The following MTM1 variants were observed in gnomAD, a reference collection of about 807,000 sequenced individuals.
MTM1 encodes the protein myotubularin 1, also known as myotubularin.
In MTM1, 9 loss-of-function variants were observed where a neutral mutation model predicts 52.1. The observed-to-expected ratio is 0.17, with a 90% CI of 0.10 to 0.30. The LOEUF is 0.30. Ranked by LOEUF, MTM1 falls within the 10% of genes least tolerant of loss-of-function variation. The pLI is 1.00. For missense variants in MTM1, 277 were observed against 470.7 expected (o/e 0.59, Z 3.81); for synonymous variants, 136 against 163.8 (o/e 0.83, Z 1.29).
At chrX:150,643,854 G>T (rs1256187559) in intron 8 of MTM1, among the ~76,000 whole-genome samples, 1 of 111,632 alleles carries the variant, frequency 9.0e-6, no homozygotes, top group East Asian at 2.8e-4. Flanking sequence ...ATAATACAGT[G>T]CCATATACTG....
upstream of MTM1, among the ~76,000 whole-genome samples, chrX:150,566,318 A>G (rs782729628): frequency 1.9e-4 from 21 of 111,100 alleles, 1 homozygote; most frequent in South Asian, 8.1e-3. Flanking sequence ...TTGTATTTTT[A>G]GTAGAGACGG....
At chrX:150,598,342 G>A (rs1219387552) in intron 3 of MTM1, among the ~76,000 whole-genome samples, 1 of 111,723 alleles carries the variant, frequency 9.0e-6, no homozygotes, top group Non-Finnish European at 1.9e-5. Context: ...GGTAGTGACA[G>A]CATTGTGGGA....
chrX:150,636,725 A>G (rs1603182574), intron 6 of MTM1, among the ~76,000 whole-genome samples: 1 of 112,273 alleles, frequency 8.9e-6, no homozygotes, highest in South Asian at 3.7e-4. Flanking sequence ...ACCATCTACA[A>G]CCATGTTAAC....
At chrX:150,582,523 T>G (rs1402502762) in intron 1 of MTM1, among the ~76,000 whole-genome samples, 1 of 111,237 alleles carries the variant, frequency 9.0e-6, no homozygotes, top group African/African-American at 3.3e-5. Context: ...TTACTGCAGT[T>G]GTAGTTAGTT....
chrX:150,622,890 C>T (rs782081532), intron 6 of MTM1, among the ~76,000 whole-genome samples: 1 of 111,914 alleles, frequency 8.9e-6, no homozygotes, highest in South Asian at 3.8e-4. Flanking sequence ...GAATTGACAG[C>T]AAGCCACTGA....
intron 4 of MTM1, among the ~76,000 whole-genome samples, chrX:150,604,847 C>T (rs936932216): frequency 4.0e-4 from 44 of 110,987 alleles, no homozygotes; most frequent in African/African-American, 1.4e-3. Context: ...CAGGTGTTCA[C>T]GGTCCTCACC....
At position 150,591,857 on chromosome X, in the gene MTM1, C is replaced by T. The variant is rs1290459331; in HGVS notation, c.-10-748C>T. ...GTTGAATTGGATGTGGTTTACCTCCCGCTGACTTTATATGTATCTATCTGT... is the reference window on the plus strand; with the variant it reads ...GTTGAATTGGATGTGGTTTACCTCCTGCTGACTTTATATGTATCTATCTGT... On this transcript the variant is annotated intron_variant, in intron 1 of 14. Coordinates refer to ENST00000370396, the MANE Select transcript of MTM1 (RefSeq NM_000252.3). 8.9e-5 allele frequency among the ~76,000 whole-genome samples: 10 copies of T among 112,524 alleles called. No individual in the cohort carries two copies. In the East Asian group the frequency reaches 2.2e-3, roughly 25 times the overall value.
At chrX:150,620,710 G>A (rs2039463987) in intron 6 of MTM1, among the ~76,000 whole-genome samples, 1 of 111,227 alleles carries the variant, frequency 9.0e-6, no homozygotes, top group African/African-American at 3.3e-5. Context: ...TGATGGTTTC[G>A]TTTAGTTTAA....
chrX:150,659,853 A>G (rs1475590312), intron 12 of MTM1, 97 bp downstream of exon 12: 6 of 727,112 alleles, frequency 8.3e-6, no homozygotes, highest in African/African-American at 2.1e-5. Context: ...AATACAGGGT[A>G]GAGCTAGAGA....
At chrX:150,584,568 C>G (rs1286253828) in intron 1 of MTM1, among the ~76,000 whole-genome samples, 3 of 111,331 alleles carry the variant, frequency 2.7e-5, no homozygotes, top group African/African-American at 9.8e-5. Flanking sequence ...AGTACCCAAA[C>G]TGTGCTTTGT....
At position 150,581,684 on chromosome X, in the gene MTM1, A is replaced by G. The variant is rs2038587311; in HGVS notation, c.-10-10921A>G. Among the ~76,000 whole-genome samples, 4 of 111,724 alleles carry G rather than the reference A, an allele frequency of 3.6e-5. No individual in the cohort carries two copies. The South Asian group carries it at 1.5e-3, about 42-fold the overall frequency. On this transcript the variant is annotated intron_variant, in intron 1 of 14. Coordinates refer to ENST00000370396, the MANE Select transcript of MTM1 (RefSeq NM_000252.3). ...GGCATGATGTCCTCATTTTAATATG[A>G]TCATCTATGAGAGAATGAGAATGAC...
chrX:150,611,990 G>T (rs1452949339), intron 4 of MTM1, among the ~76,000 whole-genome samples: 1 of 111,998 alleles, frequency 8.9e-6, no homozygotes, highest in African/African-American at 3.2e-5. Context: ...AGCCTCAGAA[G>T]TTCGAGACCA....
intron 8 of MTM1, among the ~76,000 whole-genome samples, chrX:150,644,942 C>T (rs2148492358): frequency 8.9e-6 from 1 of 111,914 alleles, no homozygotes; most frequent in Non-Finnish European, 1.9e-5. Context: ...CTTCACATAC[C>T]AAACAATTTC....
rs1430354469 is a variant in MTM1 at position 150,671,649 on chromosome X, C to T, written c.*54C>T. The T allele has an allele frequency of 2.6e-6, 3 of 1,137,496 alleles. No homozygotes were observed. The highest frequency in any genetic ancestry group is 3.6e-6 in the Non-Finnish European group (3 of 833,300). 93.7% of individuals were successfully genotyped at this position (1,137,496 alleles called of 1,213,427 possible). ...CGAAATAAAGGCGATAGCTGACTTT[C>T]ATTTGGGGCATTTGTAAAAAGTAGA... On this transcript the variant is annotated 3_prime_UTR_variant, in exon 15 of 15. Coordinates refer to ENST00000370396, the MANE Select transcript of MTM1 (RefSeq NM_000252.3).
intron 1 of MTM1, among the ~76,000 whole-genome samples, chrX:150,583,514 TTA>T (rs1285583992): frequency 1.5e-4 from 4 of 27,536 alleles, no homozygotes; most frequent in African/African-American, 2.6e-4. Flanking sequence ...TATATATAAT[TTA>T]TATATATTAT....
intron 3 of MTM1, chrX:150,597,079 A>T (rs1230703669): frequency 7.4e-5 from 9 of 122,295 alleles, no homozygotes; most frequent in Non-Finnish European, 1.5e-4. Flanking sequence ...AAAGGAAGGG[A>T]TCAACTTTGG....
At position 150,587,988 on chromosome X, in the gene MTM1, C is replaced by T. The variant is rs911425313; in HGVS notation, c.-10-4617C>T. Reference sequence around the variant, plus strand: ...TTTCATTTCAGCCTAGCAAAGGGGACTTTACAGAAATTTGTTTTATAAAAA... The same window carrying T: ...TTTCATTTCAGCCTAGCAAAGGGGATTTTACAGAAATTTGTTTTATAAAAA... On this transcript the variant is annotated intron_variant, in intron 1 of 14. Transcript: ENST00000370396. Among the ~76,000 whole-genome samples, 10 of 111,644 alleles carry T rather than the reference C, an allele frequency of 9.0e-5. No homozygotes were observed. The South Asian group carries it at 1.1e-3, about 12-fold the overall frequency.
intron 13 of MTM1, 29 bp from the exon 14 acceptor site, chrX:150,663,404 C>T (rs2040255758): frequency 2.5e-6 from 3 of 1,207,187 alleles, no homozygotes; most frequent in Non-Finnish European, 3.4e-6. Flanking sequence ...TACTTAGGCT[C>T]TCCACTTTCT....
At chrX:150,596,043 G>C (rs1326036928) in intron 2 of MTM1, among the ~76,000 whole-genome samples, 1 of 111,435 alleles carries the variant, frequency 9.0e-6, no homozygotes, top group African/African-American at 3.3e-5. Context: ...TGATTTTCGG[G>C]CATTGTAATA....
Sources: allele counts gnomAD v4.1 joint callset (sites outside exome capture counted in the v4.1 genomes callset), GRCh38; gene constraint gnomAD v4.1.1; transcripts MANE v1.5; gene names NCBI Gene and HGNC (gene_info 2026-07-23, HGNC 2026-07-21).